The following TOM1 variants were observed in gnomAD, a reference collection of about 807,000 sequenced individuals.
TOM1 encodes target of Myb protein 1.
TOM1 carries 38 observed loss-of-function variants against 61.3 expected under a neutral mutation model. The ratio of observed to expected loss-of-function variants is 0.62; its 90% CI spans 0.48 to 0.81. The LOEUF is 0.81. TOM1 is among the 40% of genes least tolerant of loss of function. The pLI, the probability that TOM1 is intolerant of heterozygous loss-of-function variation, is 0.00. For missense variants in TOM1, 591 were observed against 659.6 expected, an observed-to-expected ratio of 0.90 and a Z score of 1.14; for synonymous variants, 270 against 268.8, an observed-to-expected ratio of 1.00 and a Z score of -0.04.
intron 11 of TOM1, among the ~76,000 whole-genome samples, chr22:35,335,104 A>G (rs1337330959): frequency 6.6e-6 from 1 of 152,092 alleles, no homozygotes; most frequent in Non-Finnish European, 1.5e-5. Flanking sequence ...CCTTGCCGGG[A>G]CCTGCGGGAG....
intron 12 of TOM1, 120 bp downstream of exon 12, chr22:35,338,908 G>A (rs1281329389): frequency 7.6e-6 from 7 of 926,732 alleles, no homozygotes; most frequent in Admixed American, 3.4e-5. Flanking sequence ...GCCCTTCCTC[G>A]TTTGGCCGTC....
chr22:35,326,734 G>A (rs530790277), intron 6 of TOM1, among the ~76,000 whole-genome samples: 13 of 150,974 alleles, frequency 8.6e-5, no homozygotes, highest in African/African-American at 3.1e-4. Flanking sequence ...CGGGATCCCA[G>A]TCCTCTAGGA....
Position 35,323,957 on chromosome 22 carries a change from G to A in TOM1, c.648+43G>A. The stretch of plus-strand genomic sequence containing the variant: ...CAGAACCGTCAGGTCCAGGCAGGTG[G>A]GCCACACACGTCAGGGAGGGCCCCC... On this transcript the variant is annotated intron_variant, in intron 6 of 14. Transcript: ENST00000449058. This position sits in a 1 kb window ranked among gnomAD's most constrained non-coding sequence, Gnocchi z 4.2. 1 of 1,513,354 alleles carries A rather than the reference G, an allele frequency of 6.6e-7. No homozygotes were observed. Among genetic ancestry groups the A allele is most frequent in the Middle Eastern group, 1.8e-4 (1 of 5,590 alleles). The allele number at this position is 1,513,354 out of a possible 1,614,324, so 93.7% of individuals were successfully genotyped here. A position where few individuals can be genotyped will look rare whatever the true frequency, so the allele number is the denominator to read the frequency against.
At chr22:35,341,315 G>A (rs376457227) in intron 12 of TOM1, among the ~76,000 whole-genome samples, 1 of 152,194 alleles carries the variant, frequency 6.6e-6, no homozygotes, top group African/African-American at 2.4e-5. Flanking sequence ...TCGCAGTACC[G>A]CCATGTCCTC....
chr22:35,322,867 G>T, intron 3 of TOM1, 161 bp from the exon 4 acceptor site: 1 of 853,452 alleles, frequency 1.2e-6, no homozygotes, highest in South Asian at 1.8e-5. Context: ...CCCAGTCCTG[G>T]CATTGTCCCA....
chr22:35,338,923 C>T (rs942109218), intron 12 of TOM1, 135 bp downstream of exon 12: 22 of 830,986 alleles, frequency 2.6e-5, no homozygotes, highest in Non-Finnish European at 3.2e-5. Flanking sequence ...GCCGTCAGGT[C>T]GGTTCTTTTT....
intron 9 of TOM1, 96 bp downstream of exon 9, chr22:35,333,110 G>A (rs1928983613): frequency 1.5e-6 from 2 of 1,346,950 alleles, no homozygotes; most frequent in Admixed American, 3.4e-5. Context: ...GGACAGGGTG[G>A]TGCTGTCTTA....
Position 35,323,435 on chromosome 22 carries a change from C to T in TOM1, c.367-61C>T, listed in dbSNP as rs1182351833. On this transcript the variant is annotated intron_variant, in intron 4 of 14. Transcript: ENST00000449058. This position sits in a 1 kb window ranked among gnomAD's most constrained non-coding sequence, Gnocchi z 4.2. ...GAATGTCTGTTCTCTGTCTGAGTGCCAGGTGGGCAGGCTCACAGGTGAGCT... is the reference window on the plus strand; with the variant it reads ...GAATGTCTGTTCTCTGTCTGAGTGCTAGGTGGGCAGGCTCACAGGTGAGCT... 1.1e-5 allele frequency: 17 copies of T among 1,586,194 alleles called. No homozygotes were observed. Among genetic ancestry groups the T allele is most frequent in the Admixed American group, 1.8e-5 (1 of 56,404 alleles).
At chr22:35,345,367 C>G in intron 12 of TOM1, 1 of 326,814 alleles carries the variant, frequency 3.1e-6, no homozygotes, top group Non-Finnish European at 5.9e-6. Flanking sequence ...TCAGATGCTC[C>G]TGAGCACCTG....
At chr22:35,302,330 C>CTTTTTTTTTTTTTTTTTTTTTTTTTCTT (rs138734) in intron 1 of TOM1, among the ~76,000 whole-genome samples, 1 of 70,918 alleles carries the variant, frequency 1.4e-5, no homozygotes, top group African/African-American at 5.7e-5. Context: ...TTTTCTTTTT[C>CTTTTTTTTTTTTTTTTTTTTTTTTTCTT]TTTTTTTTTT....
Position 35,346,982 on chromosome 22 carries a change from GCCCC to G in TOM1, c.1324+14_1324+17del. 1 of 833,388 alleles carries G rather than the reference GCCCC, an allele frequency of 1.2e-6. No homozygotes were observed. 51.6% of individuals were successfully genotyped at this position (833,388 alleles called of 1,614,324 possible). A position where few individuals can be genotyped will look rare whatever the true frequency, so the allele number is the denominator to read the frequency against. ...GTCACCAGCGAAGGTAGTAGTCCCC[GCCCC>G]TGCCCGCCCTCTCCTTTCCCCAGGG... On this transcript the variant is annotated intron_variant, in intron 14 of 14. Coordinates refer to ENST00000449058, the MANE Select transcript of TOM1 (RefSeq NM_005488.3).
intron 6 of TOM1, among the ~76,000 whole-genome samples, chr22:35,326,798 G>T (rs1301743876): frequency 1.3e-5 from 2 of 151,454 alleles, no homozygotes; most frequent in Non-Finnish European, 2.9e-5. Flanking sequence ...TGGGATCCCA[G>T]TCCTCTAGGA....
chr22:35,303,145 C>CACACACACAG lies in TOM1; in HGVS notation c.52+3169_52+3170insACACAGACAC, dbSNP rs1324069845. ...CCTCCCCTCCCAACACACACACACA[C>CACACACACAG]ACACCCCTTTGTGCTTGCTGGTCCC... On this transcript the variant is annotated intron_variant, in intron 1 of 14. Transcript: ENST00000449058. Among the ~76,000 whole-genome samples, 4 of 151,952 alleles carry CACACACACAG rather than the reference C, an allele frequency of 2.6e-5. No homozygotes were observed. The East Asian group carries it at 7.7e-4, about 29-fold the overall frequency.
chr22:35,327,438 C>T, intron 7 of TOM1, 51 bp downstream of exon 7: 1 of 1,273,748 alleles, frequency 7.9e-7, no homozygotes, highest in Non-Finnish European at 1.1e-6. Flanking sequence ...TGCCCAGCTG[C>T]CCACATGCAT....
At chr22:35,304,552 C>T (rs1239110286) in intron 1 of TOM1, among the ~76,000 whole-genome samples, 1 of 152,288 alleles carries the variant, frequency 6.6e-6, no homozygotes, top group East Asian at 1.9e-4. Context: ...GATCTCGGCT[C>T]ACTGCAAGCT....
intron 12 of TOM1, among the ~76,000 whole-genome samples, chr22:35,339,312 C>CA (rs1266913151): frequency 6.6e-6 from 1 of 151,980 alleles, no homozygotes; most frequent in African/African-American, 2.4e-5. Context: ...GCCTAGGTGA[C>CA]AGAGCAAGAC....
At chr22:35,305,336 A>G (rs1436796022) in intron 1 of TOM1, among the ~76,000 whole-genome samples, 1 of 152,188 alleles carries the variant, frequency 6.6e-6, no homozygotes, top group Non-Finnish European at 1.5e-5. Context: ...ATATATAGGG[A>G]CAGGGAAGGG....
Position 35,320,975 on chromosome 22 carries a change from C to G in TOM1, c.138-984C>G, listed in dbSNP as rs1233930232. ...CCAGCCTGGGCGACAGAGTGAGACT[C>G]TGTCTCAGAAGGAAAAAAAAAAAAA... On this transcript the variant is annotated intron_variant, in intron 2 of 14. Coordinates refer to ENST00000449058, the MANE Select transcript of TOM1 (RefSeq NM_005488.3). 1.3e-4 allele frequency among the ~76,000 whole-genome samples: 5 copies of G among 37,986 alleles called. No individual in the cohort carries two copies. The East Asian group carries it at 4.0e-3, about 30-fold the overall frequency. 24.9% of individuals were successfully genotyped at this position (37,986 alleles called of 152,430 possible).
At chr22:35,330,604 G>A (rs1048394514) in intron 8 of TOM1, 124 bp downstream of exon 8, 4 of 979,048 alleles carry the variant, frequency 4.1e-6, no homozygotes, top group Non-Finnish European at 5.9e-6. Flanking sequence ...ACACAAGGCA[G>A]GCTCCTAAGG....
Sources: allele counts gnomAD v4.1 joint callset (sites outside exome capture counted in the v4.1 genomes callset), GRCh38; gene constraint gnomAD v4.1.1; non-coding constraint Gnocchi (gnomAD v3.1); transcripts MANE v1.5; gene names NCBI Gene and HGNC (gene_info 2026-07-23, HGNC 2026-07-21).